Variants in GDAP2 observed in about 807,000 individuals in gnomAD.
GDAP2 encodes ganglioside-induced differentiation-associated protein 2.
In GDAP2, 51 loss-of-function variants were observed where a neutral mutation model predicts 67.0. That is an observed-to-expected ratio of 0.76 (90% CI 0.61 to 0.96). The LOEUF is 0.96. GDAP2 is among the 40% of genes least tolerant of loss of function. GDAP2 has a pLI of 0.00. For synonymous variants in GDAP2, 203 were observed against 207.3 expected, an observed-to-expected ratio of 0.98 and a Z score of 0.18; for missense variants, 547 against 588.3, an observed-to-expected ratio of 0.93 and a Z score of 0.73.
rs1339574269 is a variant in GDAP2 at position 117,865,011 on chromosome 1, G to A, written c.*5558C>T. On this transcript the variant is annotated 3_prime_UTR_variant, in exon 14 of 14. Coordinates refer to ENST00000369443, the MANE Select transcript of GDAP2 (RefSeq NM_017686.4). ...TCTAACTATGGTCTGGGGACCAGGA[G>A]AATTGATAACACCTAAGAGCTTGTT... is the stretch of plus-strand genomic sequence containing the variant. 1 of 152,172 alleles carries A rather than the reference G, an allele frequency of 6.6e-6. No individual in the cohort carries two copies. The highest frequency in any genetic ancestry group is 1.5e-5 in the Non-Finnish European group (1 of 68,026). The allele number at this position is 152,172 out of a possible 1,614,324, so 9.4% of individuals were successfully genotyped here.
chr1:117,895,843 A>G (rs1282553722), intron 8 of GDAP2, among the ~76,000 whole-genome samples: 1 of 152,194 alleles, frequency 6.6e-6, no homozygotes, highest in Non-Finnish European at 1.5e-5. Flanking sequence ...TTATCAGTGG[A>G]GACAGATAGC....
chr1:117,894,385 T>C (rs1005943847), intron 8 of GDAP2, among the ~76,000 whole-genome samples: 2 of 152,206 alleles, frequency 1.3e-5, no homozygotes, highest in African/African-American at 4.8e-5. Flanking sequence ...TTTCACTGCA[T>C]AGACATTTAC....
intron 1 of GDAP2, among the ~76,000 whole-genome samples, chr1:117,922,022 A>T (rs1231360540): frequency 6.6e-6 from 1 of 152,012 alleles, no homozygotes; most frequent in Admixed American, 6.6e-5. Context: ...AGTAGGTTGT[A>T]GGGTAGAGTG....
chr1:117,914,226 C>G (rs1170037910), intron 3 of GDAP2, among the ~76,000 whole-genome samples: 1 of 152,062 alleles, frequency 6.6e-6, no homozygotes, highest in African/African-American at 2.4e-5. Context: ...TAAACACATG[C>G]TCAAGAAATA....
At chr1:117,877,940 C>A in intron 13 of GDAP2, 69 bp downstream of exon 13, 2 of 1,542,154 alleles carry the variant, frequency 1.3e-6, no homozygotes, top group South Asian at 1.3e-5. Context: ...ATGTTGTGCT[C>A]GTAAGTGCTG....
At chr1:117,885,061 T>C (rs958739848) in intron 10 of GDAP2, among the ~76,000 whole-genome samples, 2 of 152,154 alleles carry the variant, frequency 1.3e-5, no homozygotes, top group Admixed American at 1.3e-4. Context: ...TTTCGCCATG[T>C]TGCCCAGGCT....
intron 1 of GDAP2, among the ~76,000 whole-genome samples, chr1:117,927,487 C>T (rs553297438): frequency 6.6e-6 from 1 of 152,282 alleles, no homozygotes; most frequent in African/African-American, 2.4e-5. Context: ...GCCTGGATAA[C>T]AACAGTACAA....
At chr1:117,886,096 C>T (rs937643274) in intron 10 of GDAP2, among the ~76,000 whole-genome samples, 1 of 152,036 alleles carries the variant, frequency 6.6e-6, no homozygotes, top group Non-Finnish European at 1.5e-5. Flanking sequence ...TGAATATTTT[C>T]TTATTTTTAT....
At chr1:117,916,826 G>C (rs1650060579) in intron 3 of GDAP2, among the ~76,000 whole-genome samples, 1 of 152,150 alleles carries the variant, frequency 6.6e-6, no homozygotes, top group African/African-American at 2.4e-5. Context: ...TTGAGGTCAG[G>C]AGTTCAAGAC....
At chr1:117,883,673 A>G in intron 10 of GDAP2, 46 bp from the exon 11 acceptor site, 1 of 1,430,988 alleles carries the variant, frequency 7.0e-7, no homozygotes, top group African/African-American at 1.4e-5. Flanking sequence ...TTTGAACAGT[A>G]GTCTATTTCA....
rs558867950 is a variant in GDAP2 at position 117,888,092 on chromosome 1, C to T, written c.954-318G>A. Among the ~76,000 whole-genome samples, 116 of 152,192 alleles carry T rather than the reference C, an allele frequency of 7.6e-4. 1 individual carries two copies. Among genetic ancestry groups the T allele is most frequent in the Admixed American group, 2.5e-3 (38 of 15,264 alleles). On this transcript the variant is annotated intron_variant, in intron 8 of 13. Transcript: ENST00000369443. Reference sequence around the variant, plus strand: ...CCTTGTTTTAAAATACTATTGTTTTCCTTTACTAAAAACATGCATAGAGAA... The same window carrying T: ...CCTTGTTTTAAAATACTATTGTTTTTCTTTACTAAAAACATGCATAGAGAA...
In GDAP2 at chr1:117,866,957, A is replaced by T. The variant is rs1648085811; in HGVS notation, c.*3612T>A. ...TATCCTGCAGTTCTTTTGGTCCTTA[A>T]TACAATCAATCCACTGCCACTAGAA... On this transcript the variant is annotated 3_prime_UTR_variant, in exon 14 of 14. Coordinates refer to ENST00000369443, the MANE Select transcript of GDAP2 (RefSeq NM_017686.4). 1 of 152,112 alleles carries T rather than the reference A, an allele frequency of 6.6e-6. No homozygotes were observed. Among genetic ancestry groups the T allele is most frequent in the Non-Finnish European group, 1.5e-5 (1 of 68,036 alleles). The allele number at this position is 152,112 out of a possible 1,614,324, so 9.4% of individuals were successfully genotyped here.
rs1362076868 is a variant in GDAP2, at chr1:117,863,723, GC to G, written c.*6845del. ...TATATTTAAATTATGTTTTATAAAA[GC>G]ATGCGCTTTGGAGTCAGATCTGGAT... On this transcript the variant is annotated 3_prime_UTR_variant, in exon 14 of 14. Coordinates refer to ENST00000369443, the MANE Select transcript of GDAP2 (RefSeq NM_017686.4). 5 of 152,142 alleles carry G rather than the reference GC, an allele frequency of 3.3e-5. No homozygotes were observed. Among genetic ancestry groups the G allele is most frequent in the Admixed American group, 3.3e-4 (5 of 15,270 alleles). 9.4% of individuals were successfully genotyped at this position (152,142 alleles called of 1,614,324 possible).
rs1250335404 is a variant in GDAP2 at position 117,897,874 on chromosome 1, AG to A, written c.797-886del. ...TTCATTAAAAACACCCCTCAAGTAA[AG>A]CTTGGTTATATATATTTTAACAGAT... On this transcript the variant is annotated intron_variant, in intron 7 of 13. Transcript: ENST00000369443. Among the ~76,000 whole-genome samples, 156 of 152,260 alleles carry A rather than the reference AG, an allele frequency of 1.0e-3. 2 individuals are homozygous for A. The highest frequency in any genetic ancestry group is 2.8e-4 in the Non-Finnish European group (19 of 68,028).
intron 13 of GDAP2, among the ~76,000 whole-genome samples, chr1:117,871,686 C>T (rs554394336): frequency 3.9e-5 from 6 of 152,082 alleles, no homozygotes; most frequent in African/African-American, 7.2e-5. Flanking sequence ...TGGGCCATAA[C>T]CAGGAAAACA....
chr1:117,889,426 C>T (rs1053336993), intron 8 of GDAP2, among the ~76,000 whole-genome samples: 1 of 151,866 alleles, frequency 6.6e-6, no homozygotes, highest in Admixed American at 6.6e-5. Context: ...TTATTCCTCT[C>T]GTCTAACTGA....
intron 13 of GDAP2, among the ~76,000 whole-genome samples, chr1:117,873,836 T>G (rs1648370468): frequency 6.6e-6 from 1 of 152,208 alleles, no homozygotes; most frequent in Admixed American, 6.5e-5. Context: ...AAAATGTCTA[T>G]TTCTAAATAT....
chr1:117,920,015 T>C (rs1271197906), intron 2 of GDAP2, among the ~76,000 whole-genome samples, 167 bp downstream of exon 2: 4 of 152,230 alleles, frequency 2.6e-5, no homozygotes, highest in Non-Finnish European at 5.9e-5. Flanking sequence ...AAAACTTATA[T>C]TGTATACTTT....
At chr1:117,929,203 A>C (rs1437342707) in intron 1 of GDAP2, among the ~76,000 whole-genome samples, 1 of 152,120 alleles carries the variant, frequency 6.6e-6, no homozygotes, top group Non-Finnish European at 1.5e-5. Context: ...CTACAGCACC[A>C]CTGTTCCTAG....
Sources: allele counts gnomAD v4.1 joint callset (sites outside exome capture counted in the v4.1 genomes callset), GRCh38; gene constraint gnomAD v4.1.1; transcripts MANE v1.5; gene names NCBI Gene and HGNC (gene_info 2026-07-23, HGNC 2026-07-21).